HIKESHI: variants seen among roughly 807,000 people sequenced by gnomAD.
HIKESHI encodes the protein protein Hikeshi.
HIKESHI carries 13 observed loss-of-function variants against 25.7 expected under a neutral mutation model. The ratio of observed to expected loss-of-function variants is 0.51; its 90% CI spans 0.33 to 0.80. The LOEUF is 0.80. Among genes scored for constraint, HIKESHI ranks in the 30% least tolerant of loss-of-function variants. The pLI, the probability that HIKESHI is intolerant of heterozygous loss-of-function variation, is 0.02. For missense variants in HIKESHI, 174 were observed against 229.5 expected (o/e 0.76, Z 1.56); for synonymous variants, 76 against 78.7 (o/e 0.97, Z 0.18).
At chr11:86,320,542 C>T (rs190033302) in intron 2 of HIKESHI, among the ~76,000 whole-genome samples, 277 of 152,360 alleles carry the variant, frequency 1.8e-3, no homozygotes, top group African/African-American at 5.4e-3. Context: ...TGCCATTGCA[C>T]TCCAGCCTGG....
chr11:86,333,445 G>T (rs987949240), intron 2 of HIKESHI, among the ~76,000 whole-genome samples: 1 of 151,870 alleles, frequency 6.6e-6, no homozygotes, highest in Non-Finnish European at 1.5e-5. Flanking sequence ...TGAGGCATGA[G>T]AATTGCTTGA....
At chr11:86,319,163 T>G (rs1947077729) in intron 2 of HIKESHI, among the ~76,000 whole-genome samples, 1 of 146,354 alleles carries the variant, frequency 6.8e-6, no homozygotes, top group Non-Finnish European at 1.5e-5. Flanking sequence ...CCTCTTGCCT[T>G]GGCCTTCCAG....
At chr11:86,339,749 GT>G (rs538646000) in intron 3 of HIKESHI, among the ~76,000 whole-genome samples, 9 of 151,710 alleles carry the variant, frequency 5.9e-5, no homozygotes, top group East Asian at 5.8e-4. Flanking sequence ...TAGTCAAATA[GT>G]TTTTTTTTAT....
chr11:86,305,299 C>A (rs1946594981), intron 1 of HIKESHI, among the ~76,000 whole-genome samples: 1 of 152,096 alleles, frequency 6.6e-6, no homozygotes. Flanking sequence ...TGTGCCTGGC[C>A]CCTTTATCTT....
chr11:86,314,256 T>G (rs1172543779), intron 2 of HIKESHI, among the ~76,000 whole-genome samples: 1 of 152,164 alleles, frequency 6.6e-6, no homozygotes, highest in Non-Finnish European at 1.5e-5. Flanking sequence ...AAGAATGAAC[T>G]GGGACAGTTC....
intron 3 of HIKESHI, among the ~76,000 whole-genome samples, chr11:86,339,834 G>A (rs1371665322): frequency 1.3e-5 from 2 of 152,096 alleles, no homozygotes; most frequent in African/African-American, 2.4e-5. Context: ...CCATGTTGGT[G>A]TGCTGCACCT....
intron 2 of HIKESHI, among the ~76,000 whole-genome samples, chr11:86,313,214 C>G (rs374596930): frequency 2.3e-4 from 35 of 152,136 alleles, no homozygotes; most frequent in East Asian, 7.7e-4. Context: ...CTGAAATTTC[C>G]TTTTTAAAAA....
chr11:86,312,103 C>G (rs555741846), intron 2 of HIKESHI, among the ~76,000 whole-genome samples: 6 of 152,064 alleles, frequency 3.9e-5, no homozygotes, highest in African/African-American at 1.4e-4. Context: ...GAGTTAAGTT[C>G]CTGGATATCC....
intron 2 of HIKESHI, among the ~76,000 whole-genome samples, chr11:86,331,822 G>GTT (rs907933483): frequency 7.9e-5 from 12 of 152,050 alleles, no homozygotes; most frequent in African/African-American, 2.9e-4. Context: ...GAAGCAGGGA[G>GTT]TTTTTAGAAA....
chr11:86,344,782 T>C (rs779030966), intron 4 of HIKESHI, 61 bp downstream of exon 4: 1 of 1,095,812 alleles, frequency 9.1e-7, no homozygotes, highest in South Asian at 1.3e-5. Flanking sequence ...CTATTTTGTC[T>C]ATGAATATAT....
chr11:86,319,576 T>G (rs1250998070), intron 2 of HIKESHI, among the ~76,000 whole-genome samples: 1 of 151,804 alleles, frequency 6.6e-6, no homozygotes, highest in African/African-American at 2.4e-5. Flanking sequence ...TTTTTTAATA[T>G]CAAATTGAAT....
At chr11:86,328,370 T>C (rs1334706005) in intron 2 of HIKESHI, among the ~76,000 whole-genome samples, 3 of 151,868 alleles carry the variant, frequency 2.0e-5, no homozygotes, top group African/African-American at 7.3e-5. Flanking sequence ...GTGATTCTTA[T>C]GCCTCAGCTT....
At chr11:86,306,565 C>A in intron 2 of HIKESHI, 83 bp downstream of exon 2, 1 of 779,322 alleles carries the variant, frequency 1.3e-6, no homozygotes, top group Non-Finnish European at 2.0e-6. Flanking sequence ...ACTTTTCCCC[C>A]TTTAGATTGT....
At chr11:86,327,575 A>G (rs1947317023) in intron 2 of HIKESHI, among the ~76,000 whole-genome samples, 2 of 152,066 alleles carry the variant, frequency 1.3e-5, no homozygotes, top group South Asian at 4.1e-4. Flanking sequence ...TGGCCTCTCA[A>G]AGTGCTGGGA....
intron 2 of HIKESHI, among the ~76,000 whole-genome samples, chr11:86,325,680 T>A (rs1478768960): frequency 1.3e-5 from 2 of 151,758 alleles, no homozygotes; most frequent in African/African-American, 2.4e-5. Flanking sequence ...GAGACCAGCC[T>A]GGCCAATAGG....
chr11:86,343,259 T>G (rs2138434092), intron 3 of HIKESHI, among the ~76,000 whole-genome samples: 1 of 152,294 alleles, frequency 6.6e-6, no homozygotes, highest in East Asian at 1.9e-4. Flanking sequence ...TTTTAAAGAT[T>G]TCAGTTACAC....
chr11:86,343,708 T>G (rs1947793490), intron 3 of HIKESHI: 1 of 152,196 alleles, frequency 6.6e-6, no homozygotes, highest in South Asian at 2.1e-4. Context: ...CAGCAGAGTC[T>G]CTTGGATTAT....
chr11:86,318,177 G>A (rs868275527), intron 2 of HIKESHI, among the ~76,000 whole-genome samples: 5 of 151,124 alleles, frequency 3.3e-5, no homozygotes, highest in Non-Finnish European at 4.4e-5. Flanking sequence ...GGTGGTGGGC[G>A]CCTGTAATCC....
At chr11:86,326,236 T>G (rs771300840) in intron 2 of HIKESHI, among the ~76,000 whole-genome samples, 1 of 152,102 alleles carries the variant, frequency 6.6e-6, no homozygotes, top group Non-Finnish European at 1.5e-5. Flanking sequence ...TGGTGGAGGT[T>G]GCAGTGAGCC....
Sources: gnomAD v4.1 joint callset for allele counts (sites outside exome capture counted in the v4.1 genomes callset) on GRCh38, gnomAD v4.1.1 for gene constraint, MANE v1.5 for transcripts, NCBI Gene and HGNC (gene_info 2026-07-23, HGNC 2026-07-21) for gene names.